The following GPC1 variants were observed in gnomAD, a reference collection of about 807,000 sequenced individuals.
GPC1 encodes the protein glypican 1, also known as glypican-1.
In GPC1, 26 loss-of-function variants were observed where a neutral mutation model predicts 51.5. The observed-to-expected ratio is 0.50, with a 90% CI of 0.37 to 0.70. The LOEUF is 0.70. Ranked by LOEUF, GPC1 falls within the 30% of genes least tolerant of loss-of-function variation. GPC1 has a pLI of 0.00. For synonymous variants in GPC1, 380 were observed against 348.3 expected, an observed-to-expected ratio of 1.09 and a Z score of -1.01; for missense variants, 775 against 800.5, an observed-to-expected ratio of 0.97 and a Z score of 0.38.
intron 1 of GPC1, among the ~76,000 whole-genome samples, chr2:240,443,975 C>T (rs1287676416): frequency 6.6e-6 from 1 of 152,252 alleles, no homozygotes; most frequent in African/African-American, 2.4e-5. Flanking sequence ...GCCTGGCTAG[C>T]AGGGGTGAGG....
intron 1 of GPC1, among the ~76,000 whole-genome samples, chr2:240,439,451 C>T (rs769257845): frequency 5.3e-5 from 8 of 152,188 alleles, no homozygotes; most frequent in South Asian, 2.1e-4. Flanking sequence ...ACTGCCCAGC[C>T]GCTCCTGTGC....
rs2074260556 is a variant in GPC1 at position 240,466,207 on chromosome 2, G to A, written c.1594G>A (p.Ala532Thr). 2 of 1,612,890 alleles carry A rather than the reference G, an allele frequency of 1.2e-6. No individual in the cohort carries two copies. ...SEQEGQKTSAASCPQPPTFLL... is the reference protein window; with the variant it reads ...SEQEGQKTSATSCPQPPTFLL... Reference sequence around the variant, plus strand: ...GCAGGAAGGACAGAAGACCTCGGCTGCCAGCTGCCCCCAGCCCCCGACCTT... The same window carrying A: ...GCAGGAAGGACAGAAGACCTCGGCTACCAGCTGCCCCCAGCCCCCGACCTT... Residue 532 changes from alanine (A) to threonine (T), a missense_variant, in exon 9 of 9, where the codon GCC becomes ACC. Ala to Thr is a moderately conservative substitution (Grantham distance 58, BLOSUM62 0). Transcript: ENST00000264039.
chr2:240,445,866 A>G (rs75657607), intron 1 of GPC1, among the ~76,000 whole-genome samples: 2,155 of 152,302 alleles, frequency 0.014, 51 homozygotes, highest in African/African-American at 0.049. Context: ...AATTGTAGTC[A>G]GTATTAGGCC....
rs1031965648 is a variant in GPC1 at position 240,466,599 on chromosome 2, C to A, written c.*309C>A. On this transcript the variant is annotated 3_prime_UTR_variant, in exon 9 of 9. Coordinates refer to ENST00000264039, the MANE Select transcript of GPC1 (RefSeq NM_002081.3). ...CCAGCTCCCTGCACCGCCGCAGAAG[C>A]AGCCCCTCGAGGCCTACAGAGGAGG... 8 of 379,058 alleles carry A rather than the reference C, an allele frequency of 2.1e-5. No homozygotes were observed. Among genetic ancestry groups the A allele is most frequent in the Non-Finnish European group, 3.8e-5 (8 of 210,238 alleles). The allele number at this position is 379,058 out of a possible 1,614,324, so 23.5% of individuals were successfully genotyped here.
chr2:240,440,523 G>T (rs1390802726), intron 1 of GPC1, among the ~76,000 whole-genome samples: 2 of 152,116 alleles, frequency 1.3e-5, no homozygotes, highest in Non-Finnish European at 2.9e-5. Flanking sequence ...CATTTAGAAC[G>T]TTTAACCGGG....
chr2:240,442,182 A>T (rs1217414398), intron 1 of GPC1: 1 of 150,176 alleles, frequency 6.7e-6, no homozygotes, highest in Non-Finnish European at 1.5e-5. Context: ...CTTTCCCCAC[A>T]GCTTGACTTC....
At chr2:240,443,821 C>T (rs1356524547) in intron 1 of GPC1, among the ~76,000 whole-genome samples, 1 of 152,226 alleles carries the variant, frequency 6.6e-6, no homozygotes, top group Non-Finnish European at 1.5e-5. Context: ...CAGGGGCTGT[C>T]TACCGGGTGG....
In GPC1 at chr2:240,466,067, GC is replaced by G; in HGVS notation, c.1455del (p.Ser486AlafsTer29). 1 of 1,609,314 alleles carries G rather than the reference GC, an allele frequency of 6.2e-7. No homozygotes were observed. The highest frequency in any genetic ancestry group is 8.5e-7 in the Non-Finnish European group (1 of 1,177,536). On this transcript the variant is annotated frameshift_variant, in exon 9 of 9. Coordinates refer to ENST00000264039, the MANE Select transcript of GPC1 (RefSeq NM_002081.3). LOFTEE classifies it low-confidence loss of function (END_TRUNC). Reference sequence around the variant, plus strand: ...CTCCTCTCCTTCCCAGGTGACGACGGCAGCGGCTCGGGCAGCGGTGATGGCT... The same window carrying G: ...CTCCTCTCCTTCCCAGGTGACGACGGAGCGGCTCGGGCAGCGGTGATGGCT... ...DVDFQDASDD[G>X]SGSGSGDGCL... is the part of the protein sequence containing the mutation.
chr2:240,465,565 G>A lies in GPC1; in HGVS notation c.1361G>A (p.Arg454Gln), dbSNP rs755400678. The change falls in exon 8 of 9, where the codon CGG (arginine) becomes CAG (glutamine). Residue 454 changes from arginine to glutamine, a missense_variant. Physicochemically the swap from Arg to Gln is conservative, Grantham distance 43 (BLOSUM62 1). Coordinates refer to ENST00000264039, the MANE Select transcript of GPC1 (RefSeq NM_002081.3). ...VDITKPDMTIRQQIMQLKIMT... is the reference protein window; with the variant it reads ...VDITKPDMTIQQQIMQLKIMT... Reference sequence around the variant, plus strand: ...ATCACCAAGCCGGACATGACCATCCGGCAGCAGATCATGCAGCTGAAGATC... The same window carrying A: ...ATCACCAAGCCGGACATGACCATCCAGCAGCAGATCATGCAGCTGAAGATC... 11 of 1,613,064 alleles carry A rather than the reference G, an allele frequency of 6.8e-6. No individual in the cohort carries two copies. Among genetic ancestry groups the A allele is most frequent in the African/African-American group, 1.3e-5 (1 of 74,936 alleles).
intron 8 of GPC1, 80 bp from the exon 9 acceptor site, chr2:240,465,978 T>C (rs1387031599): frequency 4.4e-6 from 3 of 678,870 alleles, no homozygotes; most frequent in Non-Finnish European, 7.0e-6. Context: ...TGGGGTCACC[T>C]GGCACGGGCC....
At chr2:240,454,641 C>G (rs2074139313) in intron 1 of GPC1, among the ~76,000 whole-genome samples, 2 of 152,224 alleles carry the variant, frequency 1.3e-5, no homozygotes, top group African/African-American at 4.8e-5. Context: ...GCAATGCAGG[C>G]TGACTGTCCA....
chr2:240,439,384 G>C lies in GPC1; in HGVS notation c.166+3300G>C, dbSNP rs567822831. On this transcript the variant is annotated intron_variant, in intron 1 of 8. Transcript: ENST00000264039. ...GCCTGAGGCAGAGGAGGGGCCCTAA[G>C]GTCTAGTTTTGGGGGCAGAAGTCAG... 1.2e-4 allele frequency among the ~76,000 whole-genome samples: 18 copies of C among 152,238 alleles called. No homozygotes were observed. The East Asian group carries it at 3.5e-3, about 30-fold the overall frequency.
At chr2:240,456,583 G>A (rs1449709457) in intron 1 of GPC1, 2 of 470,046 alleles carry the variant, frequency 4.3e-6, no homozygotes, top group South Asian at 3.1e-5. Flanking sequence ...CCCTCCCACT[G>A]CCCAGCCCAT....
chr2:240,465,749 G>A, intron 8 of GPC1, 101 bp downstream of exon 8: 1 of 958,342 alleles, frequency 1.0e-6, no homozygotes, highest in South Asian at 1.5e-5. Context: ...GGGGCCCTCT[G>A]CTCCGGCATC....
chr2:240,436,660 CG>C (rs763772479), intron 1 of GPC1, among the ~76,000 whole-genome samples: 65 of 152,368 alleles, frequency 4.3e-4, no homozygotes, highest in East Asian at 1.5e-3. Flanking sequence ...CTGACCCCCT[CG>C]GGGGGTAGTG....
At chr2:240,443,618 G>C (rs2074031578) in intron 1 of GPC1, among the ~76,000 whole-genome samples, 1 of 152,182 alleles carries the variant, frequency 6.6e-6, no homozygotes, top group African/African-American at 2.4e-5. Context: ...CAGAAACCCT[G>C]AGCCCAGCAC....
At chr2:240,463,539 T>C in intron 4 of GPC1, 27 bp downstream of exon 4, 3 of 1,607,286 alleles carry the variant, frequency 1.9e-6, no homozygotes, top group Non-Finnish European at 2.6e-6. Flanking sequence ...GAGAGCGGCC[T>C]GGAACTGTCT....
chr2:240,455,441 C>T (rs964283874), intron 1 of GPC1, among the ~76,000 whole-genome samples: 2 of 152,118 alleles, frequency 1.3e-5, no homozygotes, highest in South Asian at 2.1e-4. Flanking sequence ...AGGGGTGGGC[C>T]GGAAGGGCCC....
intron 1 of GPC1, among the ~76,000 whole-genome samples, chr2:240,455,600 C>T (rs1268997404): frequency 2.0e-5 from 3 of 152,210 alleles, no homozygotes; most frequent in East Asian, 1.9e-4. Flanking sequence ...CCTGAGGCCT[C>T]TCTATCCCCA....
Sources: gnomAD v4.1 joint callset for allele counts (sites outside exome capture counted in the v4.1 genomes callset) on GRCh38, gnomAD v4.1.1 for gene constraint, MANE v1.5 for transcripts, NCBI Gene and HGNC (gene_info 2026-07-23, HGNC 2026-07-21) for gene names.